CTXND1: variants seen among roughly 807,000 people sequenced by gnomAD.
The protein encoded by CTXND1 is cortexin domain containing 1.
intron 1 of CTXND1, among the ~76,000 whole-genome samples, chr15:80,251,801 G>A (rs2141469245): frequency 1.3e-5 from 2 of 152,104 alleles, no homozygotes; most frequent in South Asian, 4.1e-4. Flanking sequence ...GGCGCGCCCC[G>A]GGCGCAGTGC....
intron 1 of CTXND1, among the ~76,000 whole-genome samples, chr15:80,216,422 A>C (rs1359224687): frequency 4.6e-5 from 7 of 152,206 alleles, no homozygotes; most frequent in Non-Finnish European, 1.0e-4. Flanking sequence ...TACAGCCATG[A>C]ATTGAGATGT....
rs1455679436 is a variant in CTXND1, at chr15:80,230,732, G to T, written c.-218+21275C>A. 2.6e-5 allele frequency among the ~76,000 whole-genome samples: 4 copies of T among 151,914 alleles called. No homozygotes were observed. The East Asian group carries it at 7.7e-4, about 29-fold the overall frequency. On this transcript the variant is annotated intron_variant, in intron 1 of 2. Transcript: ENST00000560778. Reference sequence around the variant, plus strand: ...CTGTAACCCACAAGTTCAAAGTATGGGTATTTAAAAGTATGGGTATTTAAA... The same window carrying T: ...CTGTAACCCACAAGTTCAAAGTATGTGTATTTAAAAGTATGGGTATTTAAA...
rs115500664 is a variant in CTXND1, at chr15:80,242,033, G to A, written c.-218+9974C>T. ...TTCCTGTTTTATAGATGAGGAGACC[G>A]AGGCTCAGAGAGGCTACCTGGTCTG... On this transcript the variant is annotated intron_variant, in intron 1 of 2. Coordinates refer to ENST00000560778, the MANE Select transcript of CTXND1 (RefSeq NM_001352888.2). Among the ~76,000 whole-genome samples, 1,367 of 152,298 alleles carry A rather than the reference G, an allele frequency of 9.0e-3. 30 individuals are homozygous for A. Among genetic ancestry groups the A allele is most frequent in the African/African-American group, 0.028 (1,148 of 41,562 alleles).
At chr15:80,238,675 C>T (rs543230997) in intron 1 of CTXND1, among the ~76,000 whole-genome samples, 9 of 152,236 alleles carry the variant, frequency 5.9e-5, no homozygotes, top group African/African-American at 1.7e-4. Flanking sequence ...TGGAGTTTCA[C>T]CTTGTTAGCC....
At chr15:80,242,063 GGACATTCCT>G (rs990648524) in intron 1 of CTXND1, among the ~76,000 whole-genome samples, 1 of 152,184 alleles carries the variant, frequency 6.6e-6, no homozygotes, top group African/African-American at 2.4e-5. Flanking sequence ...GGTCTGGACA[GGACATTCCT>G]GTTTTATAGA....
chr15:80,227,844 T>A (rs1283681828), intron 1 of CTXND1, among the ~76,000 whole-genome samples: 1 of 152,216 alleles, frequency 6.6e-6, no homozygotes, highest in Non-Finnish European at 1.5e-5. Context: ...CATGGCAATG[T>A]CTTCAAATAA....
At chr15:80,213,460 T>G (rs946412426) in intron 1 of CTXND1, among the ~76,000 whole-genome samples, 1 of 152,118 alleles carries the variant, frequency 6.6e-6, no homozygotes, top group African/African-American at 2.4e-5. Context: ...TATCCTGAGT[T>G]GTCTGGGTGG....
intron 1 of CTXND1, among the ~76,000 whole-genome samples, chr15:80,204,761 G>A (rs1469789337): frequency 6.6e-6 from 1 of 150,834 alleles, no homozygotes; most frequent in Non-Finnish European, 1.5e-5. Flanking sequence ...TATGAATGTG[G>A]GTGTACAAAT....
chr15:80,226,794 T>C (rs1041178658), intron 1 of CTXND1, among the ~76,000 whole-genome samples: 1 of 152,228 alleles, frequency 6.6e-6, no homozygotes, highest in Non-Finnish European at 1.5e-5. Flanking sequence ...CTTCCTGAAA[T>C]TCCTATACCC....
rs2041430772 is a variant in CTXND1 at position 80,198,321 on chromosome 15, A to G, written c.*3449T>C. The G allele has an allele frequency of 6.6e-6, 1 of 152,260 alleles. No individual in the cohort carries two copies. 9.4% of individuals were successfully genotyped at this position (152,260 alleles called of 1,614,324 possible). A position where few individuals can be genotyped will look rare whatever the true frequency, so the allele number is the denominator to read the frequency against. ...CCATTGCCTGGAAAACCCACCACCC[A>G]TTCTCTGCTTTGGAGAGTTCCTCTC... On this transcript the variant is annotated 3_prime_UTR_variant, in exon 3 of 3. Coordinates refer to ENST00000560778, the MANE Select transcript of CTXND1 (RefSeq NM_001352888.2).
intron 1 of CTXND1, among the ~76,000 whole-genome samples, chr15:80,247,902 A>G (rs13329571): frequency 0.29 from 43,762 of 152,060 alleles, 6,507 homozygotes; most frequent in East Asian, 0.52. Flanking sequence ...TGCTGTTGGA[A>G]CCCAGGTCAC....
In CTXND1 at chr15:80,199,907, G is replaced by A. The variant is rs2041440038; in HGVS notation, c.*1863C>T. The A allele has an allele frequency of 1.3e-5, 2 of 152,330 alleles. No individual in the cohort carries two copies. The highest frequency in any genetic ancestry group is 4.8e-5 in the African/African-American group (2 of 41,466). The allele number at this position is 152,330 out of a possible 1,614,324, so 9.4% of individuals were successfully genotyped here. A position where few individuals can be genotyped will look rare whatever the true frequency, so the allele number is the denominator to read the frequency against. Reference sequence around the variant, plus strand: ...CTTCTTCACAGCTGCAGGTCTCTTGGATGGGGATGGAAGGCCACAGCTTGG... The same window carrying A: ...CTTCTTCACAGCTGCAGGTCTCTTGAATGGGGATGGAAGGCCACAGCTTGG... On this transcript the variant is annotated 3_prime_UTR_variant, in exon 3 of 3. Transcript: ENST00000560778.
At chr15:80,220,161 CTATCTATCTATT>C (rs927604025) in intron 1 of CTXND1, among the ~76,000 whole-genome samples, 5 of 151,268 alleles carry the variant, frequency 3.3e-5, no homozygotes, top group African/African-American at 9.8e-5. Flanking sequence ...ATCTATCTAT[CTATCTATCTATT>C]TATCTATCTA....
intron 1 of CTXND1, among the ~76,000 whole-genome samples, chr15:80,218,776 C>T (rs979332539): frequency 1.4e-4 from 22 of 152,142 alleles, no homozygotes; most frequent in African/African-American, 5.1e-4. Flanking sequence ...CAGATGTAAG[C>T]GAAGCCCAGT....
intron 1 of CTXND1, among the ~76,000 whole-genome samples, chr15:80,209,158 T>C (rs983974270): frequency 3.9e-5 from 6 of 152,208 alleles, no homozygotes; most frequent in Non-Finnish European, 8.8e-5. Context: ...GGATTATCAC[T>C]GTCTCCTGGA....
intron 1 of CTXND1, among the ~76,000 whole-genome samples, chr15:80,232,408 T>G (rs998580419): frequency 2.0e-4 from 30 of 152,320 alleles, no homozygotes; most frequent in Non-Finnish European, 4.1e-4. Context: ...ATTTCATCAG[T>G]GGCCCCGATG....
intron 1 of CTXND1, among the ~76,000 whole-genome samples, chr15:80,236,566 T>G (rs1893498416): frequency 6.6e-6 from 1 of 151,812 alleles, no homozygotes; most frequent in Non-Finnish European, 1.5e-5. Flanking sequence ...GTGGATCACC[T>G]GAGGTCAGGA....
Position 80,219,736 on chromosome 15 carries a change from T to C in CTXND1, c.-217-15996A>G, listed in dbSNP as rs79382097. Among the ~76,000 whole-genome samples the C allele has an allele frequency of 3.6e-3, 555 of 152,322 alleles. 3 individuals are homozygous for C. Among genetic ancestry groups the C allele is most frequent in the African/African-American group, 0.012 (508 of 41,580 alleles). ...CTGCCATCATGGGGTGTGTGAATGG[T>C]ATGTCATTATGGATTTAATTTGCAT... On this transcript the variant is annotated intron_variant, in intron 1 of 2. Coordinates refer to ENST00000560778, the MANE Select transcript of CTXND1 (RefSeq NM_001352888.2).
rs192763352 is a variant in CTXND1, at chr15:80,208,434, C to T, written c.-217-4694G>A. On this transcript the variant is annotated intron_variant, in intron 1 of 2. Transcript: ENST00000560778. ...GTGGAAGGTCAGTGCTCTCTACTCA[C>T]TGCTAGATCAAGACCTGATCCTGCT... Among the ~76,000 whole-genome samples, 861 of 152,328 alleles carry T rather than the reference C, an allele frequency of 5.7e-3. 4 individuals are homozygous for T. Among genetic ancestry groups the T allele is most frequent in the Non-Finnish European group, 6.8e-3 (462 of 68,028 alleles).
Sources: allele counts gnomAD v4.1 joint callset (sites outside exome capture counted in the v4.1 genomes callset), GRCh38; gene constraint gnomAD v4.1.1; transcripts MANE v1.5; gene names NCBI Gene and HGNC (gene_info 2026-07-23, HGNC 2026-07-21).